Variants in VWCE observed in about 807,000 individuals in gnomAD.
The protein encoded by VWCE is von Willebrand factor C and EGF domains.
Under a neutral mutation model 102.9 loss-of-function variants are expected in VWCE, and 68 were observed. That is an observed-to-expected ratio of 0.66 (90% CI 0.54 to 0.81). The LOEUF is 0.81. Among genes scored for constraint, VWCE ranks in the 30% least tolerant of loss-of-function variants. VWCE has a pLI of 0.00. For missense variants in VWCE, 1,137 were observed against 1,263.6 expected (o/e 0.90, Z 1.52); for synonymous variants, 497 against 515.4 (o/e 0.96, Z 0.48).
intron 15 of VWCE, among the ~76,000 whole-genome samples, chr11:61,268,126 T>C (rs1343878614): frequency 6.6e-6 from 1 of 150,512 alleles, no homozygotes; most frequent in Non-Finnish European, 1.5e-5. Flanking sequence ...ATATATTATA[T>C]ATATAATGTA....
chr11:61,275,577 G>A (rs560387545), intron 11 of VWCE, among the ~76,000 whole-genome samples: 82 of 152,234 alleles, frequency 5.4e-4, no homozygotes, highest in Non-Finnish European at 8.7e-4. Context: ...TTCAAGTTCG[G>A]CTCCATTACT....
At chr11:61,277,591 C>T (rs1276807155) in intron 10 of VWCE, among the ~76,000 whole-genome samples, 3 of 152,096 alleles carry the variant, frequency 2.0e-5, no homozygotes, top group Non-Finnish European at 2.9e-5. Flanking sequence ...GGCAACAGAG[C>T]AAGACACTGT....
intron 11 of VWCE, among the ~76,000 whole-genome samples, chr11:61,275,689 T>C (rs1409845449): frequency 6.6e-6 from 1 of 152,070 alleles, no homozygotes; most frequent in Non-Finnish European, 1.5e-5. Flanking sequence ...AGTGGTGACA[T>C]AAAGGGTTCC....
At chr11:61,276,067 C>A (rs1854894733) in intron 11 of VWCE, among the ~76,000 whole-genome samples, 1 of 152,320 alleles carries the variant, frequency 6.6e-6, no homozygotes, top group East Asian at 1.9e-4. Context: ...CCACTCACCC[C>A]ACTCCATCGC....
chr11:61,258,747 A>C lies in VWCE; in HGVS notation c.2796T>G (p.Leu932=). ...GGGGGCCAGGGTGGGTGGTGGCTGC[A>C]AGGGCTGTGGAGAGTCTAGAGGTGG... The part of the protein sequence containing the change: ...SPTTSRLSTA[L]AATTHPGPQQ... The change falls in exon 20 of 20, where the codon CTT becomes CTG. Residue 932 remains leucine, a synonymous_variant. Transcript: ENST00000335613. The C allele has an allele frequency of 7.1e-7, 1 of 1,402,590 alleles. No homozygotes were observed. The highest frequency in any genetic ancestry group is 9.3e-7 in the Non-Finnish European group (1 of 1,074,880). 86.9% of individuals were successfully genotyped at this position (1,402,590 alleles called of 1,614,324 possible).
Position 61,295,011 on chromosome 11 carries a change from G to A in VWCE, c.27C>T (p.Ala9=), listed in dbSNP as rs1371595158. The A allele has an allele frequency of 2.7e-6, 4 of 1,469,592 alleles. No individual in the cohort carries two copies. Among genetic ancestry groups the A allele is most frequent in the Admixed American group, 2.2e-5 (1 of 45,576 alleles). The allele number at this position is 1,469,592 out of a possible 1,614,324, so 91.0% of individuals were successfully genotyped here. A position where few individuals can be genotyped will look rare whatever the true frequency, so the allele number is the denominator to read the frequency against. Residue 9 remains alanine (A), a synonymous_variant, in exon 1 of 20, where the codon GCC becomes GCT. Coordinates refer to ENST00000335613, the MANE Select transcript of VWCE (RefSeq NM_152718.2). The surrounding 1 kb of genome is among the most constrained non-coding windows in gnomAD (Gnocchi z 4.6). ...CCGGCAGCAGGAGCGCGACACAGGCGGCCCGAAGGAGCAGTCCGGCCCACA... is the reference window on the plus strand; with the variant it reads ...CCGGCAGCAGGAGCGCGACACAGGCAGCCCGAAGGAGCAGTCCGGCCCACA... MWAGLLLR[A]ACVALLLPGA... is the part of the protein sequence containing the mutation.
chr11:61,267,663 G>C, intron 15 of VWCE, 119 bp from the exon 16 acceptor site: 1 of 859,998 alleles, frequency 1.2e-6, no homozygotes, highest in Non-Finnish European at 1.9e-6. Context: ...GCCTCCCCAG[G>C]CAGTCACCCT....
intron 5 of VWCE, 31 bp from the exon 6 acceptor site, chr11:61,282,936 AT>A (rs1298898858): frequency 3.4e-5 from 53 of 1,562,830 alleles, no homozygotes; most frequent in Non-Finnish European, 4.6e-5. Flanking sequence ...ACTGGGGTTC[AT>A]TTCCCCAACA....
chr11:61,258,494 T>C lies in VWCE; in HGVS notation c.*181A>G. Reference sequence around the variant, plus strand: ...CGACTTCCTCCATTCTTACAGCACATTCCAAACACTTCTTGGGAACAAGGT... The same window carrying C: ...CGACTTCCTCCATTCTTACAGCACACTCCAAACACTTCTTGGGAACAAGGT... On this transcript the variant is annotated 3_prime_UTR_variant, in exon 20 of 20. Transcript: ENST00000335613. 3 of 569,842 alleles carry C rather than the reference T, an allele frequency of 5.3e-6. No individual in the cohort carries two copies. The highest frequency in any genetic ancestry group is 7.8e-6 in the Non-Finnish European group (3 of 383,664). 35.3% of individuals were successfully genotyped at this position (569,842 alleles called of 1,614,324 possible).
At chr11:61,281,676 T>C (rs1435679323) in intron 7 of VWCE, 110 bp downstream of exon 7, 3 of 1,232,092 alleles carry the variant, frequency 2.4e-6, no homozygotes, top group South Asian at 3.9e-5. Flanking sequence ...AGGGCGTGGC[T>C]GGGCGCCGGG....
chr11:61,267,435 C>A, intron 16 of VWCE, 27 bp downstream of exon 16: 1 of 1,610,296 alleles, frequency 6.2e-7, no homozygotes, highest in Middle Eastern at 1.7e-4. Context: ...TTTCCAGGGG[C>A]GGGAGTCAGA....
intron 1 of VWCE, among the ~76,000 whole-genome samples, chr11:61,292,702 A>C (rs1855542841): frequency 6.6e-6 from 1 of 152,180 alleles, no homozygotes; most frequent in Admixed American, 6.5e-5. Context: ...AGCCATAAAC[A>C]AACTACTGCC....
chr11:61,291,064 A>AT lies in VWCE; in HGVS notation c.296-138dup, dbSNP rs564588417. ...GCCTGGGTTTAAATCCAGCTCTGCC[A>AT]TTTACCAGCTGTGTGACCCCGGGCA... is the stretch of plus-strand genomic sequence containing the variant. On this transcript the variant is annotated intron_variant, in intron 3 of 19. Coordinates refer to ENST00000335613, the MANE Select transcript of VWCE (RefSeq NM_152718.2). The AT allele has an allele frequency of 6.5e-6, 9 of 1,389,974 alleles. No homozygotes were observed. In the Admixed American group the frequency reaches 2.3e-4, roughly 36 times the overall value. 86.1% of individuals were successfully genotyped at this position (1,389,974 alleles called of 1,614,324 possible). A position where few individuals can be genotyped will look rare whatever the true frequency, so the allele number is the denominator to read the frequency against.
At chr11:61,274,689 C>CA (rs1854850018) in intron 11 of VWCE, 105 bp from the exon 12 acceptor site, 1 of 841,614 alleles carries the variant, frequency 1.2e-6, no homozygotes, top group Admixed American at 2.1e-5. Flanking sequence ...AACACACACC[C>CA]ACAACACTCC....
rs764741197 is a variant in VWCE at position 61,293,241 on chromosome 11, CAAAAAAAAAAAAA to C, written c.110+1674_111-1666del. Among the ~76,000 whole-genome samples the C allele has an allele frequency of 6.1e-3, 110 of 18,030 alleles. 1 individual carries two copies. Among genetic ancestry groups the C allele is most frequent in the African/African-American group, 0.02 (103 of 5,130 alleles). 11.8% of individuals were successfully genotyped at this position (18,030 alleles called of 152,430 possible). ...GGGCAACAAGAGCAAAACTCCATCT[CAAAAAAAAAAAAA>C]AAAAAAAAAAAAATTAGCCAGGTGT... On this transcript the variant is annotated intron_variant, in intron 1 of 19. Coordinates refer to ENST00000335613, the MANE Select transcript of VWCE (RefSeq NM_152718.2).
chr11:61,287,051 C>T (rs918808091), intron 4 of VWCE, among the ~76,000 whole-genome samples: 1 of 150,004 alleles, frequency 6.7e-6, no homozygotes, highest in African/African-American at 2.5e-5. Flanking sequence ...GAGCCAAGAT[C>T]GCACCACTGC....
At chr11:61,286,506 G>T (rs1855331840) in intron 4 of VWCE, 76 bp from the exon 5 acceptor site, 1 of 1,419,216 alleles carries the variant, frequency 7.0e-7, no homozygotes, top group Admixed American at 1.7e-5. Flanking sequence ...TGTCTGGGAA[G>T]AAAGCACCCT....
chr11:61,283,019 C>T, intron 5 of VWCE, 114 bp from the exon 6 acceptor site: 1 of 876,640 alleles, frequency 1.1e-6, no homozygotes, highest in Non-Finnish European at 1.9e-6. Context: ...CTGTGGGGAA[C>T]CACCTTAGCT....
At chr11:61,286,699 G>A (rs1373998174) in intron 4 of VWCE, among the ~76,000 whole-genome samples, 5 of 152,186 alleles carry the variant, frequency 3.3e-5, no homozygotes, top group African/African-American at 1.2e-4. Context: ...TACTCGGGAG[G>A]CTGAGGCAGG....
Sources: gnomAD v4.1 joint callset for allele counts (sites outside exome capture counted in the v4.1 genomes callset) on GRCh38, gnomAD v4.1.1 for gene constraint, Gnocchi (gnomAD v3.1) non-coding constraint, MANE v1.5 for transcripts, NCBI Gene and HGNC (gene_info 2026-07-23, HGNC 2026-07-21) for gene names.